Variants in ZNG1E observed in about 807,000 individuals in gnomAD.
ZNG1E encodes Zn regulated GTPase metalloprotein activator 1E, also known as zinc-regulated GTPase metalloprotein activator 1E.
chr9:65,654,881 A>T, the ZNG1E span, among the ~76,000 whole-genome samples: 1 of 147,762 alleles, frequency 6.8e-6, no homozygotes, highest in African/African-American at 2.4e-5. Context: ...TGTAGATATG[A>T]CTCATAAATA....
chr9:65,727,320 AT>A, the ZNG1E span, among the ~76,000 whole-genome samples: 4 of 149,190 alleles, frequency 2.7e-5, no homozygotes, highest in Admixed American at 6.7e-5. Context: ...CAAAAGTACA[AT>A]TAGAAAAACA....
the ZNG1E span, chr9:65,679,592 G>A: frequency 1.3e-5 from 5 of 378,684 alleles, no homozygotes; most frequent in Admixed American, 1.8e-4. Flanking sequence ...GTCTCTCTCT[G>A]TCGCCAGGCT....
the ZNG1E span, among the ~76,000 whole-genome samples, chr9:65,676,394 G>GC: frequency 8.0e-3 from 1,083 of 135,044 alleles, 1 homozygote; most frequent in African/African-American, 0.03. Flanking sequence ...GCTAAGACAC[G>GC]CCCCCCTAAT....
chr9:65,675,648 C>T, the ZNG1E span, among the ~76,000 whole-genome samples: 5 of 149,022 alleles, frequency 3.4e-5, no homozygotes, highest in Admixed American at 2.0e-4. Context: ...CAGCCAGTAG[C>T]TTATTAAGGC....
At chr9:65,673,973 G>A in the ZNG1E span, among the ~76,000 whole-genome samples, 1 of 152,290 alleles carries the variant, frequency 6.6e-6, no homozygotes. Flanking sequence ...TGTGATGACT[G>A]TGGGTGCAAT....
chr9:65,721,575 C>A, the ZNG1E span, among the ~76,000 whole-genome samples: 1 of 150,068 alleles, frequency 6.7e-6, no homozygotes, highest in African/African-American at 2.5e-5. Flanking sequence ...CACCTATCCT[C>A]CCAACATTTC....
chr9:65,704,049 G>A, the ZNG1E span: 2 of 221,952 alleles, frequency 9.0e-6, no homozygotes, highest in Non-Finnish European at 1.0e-5. Context: ...TCCTGTTAGT[G>A]TTCTACAATT....
chr9:65,657,464 A>C, the ZNG1E span, among the ~76,000 whole-genome samples: 8 of 152,274 alleles, frequency 5.3e-5, no homozygotes, highest in African/African-American at 1.9e-4. Flanking sequence ...GAAATAAGCC[A>C]GGCCCAAAAA....
chr9:65,661,205 A>G, the ZNG1E span, among the ~76,000 whole-genome samples: 19,844 of 72,086 alleles, frequency 0.28, 2,117 homozygotes, highest in African/African-American at 0.42. Context: ...ATATTTCACT[A>G]GGTTAATAAA....
chr9:65,669,479 T>A, the ZNG1E span, among the ~76,000 whole-genome samples: 1 of 150,668 alleles, frequency 6.6e-6, no homozygotes, highest in Non-Finnish European at 1.5e-5. Flanking sequence ...TATTACACCA[T>A]ACATCATTGC....
the ZNG1E span, among the ~76,000 whole-genome samples, chr9:65,664,597 G>A: frequency 1.4e-5 from 2 of 139,056 alleles, no homozygotes; most frequent in Non-Finnish European, 3.1e-5. Flanking sequence ...GCATAAAAAT[G>A]AAACAATACA....
chr9:65,664,894 TA>T, the ZNG1E span, among the ~76,000 whole-genome samples: 1 of 152,208 alleles, frequency 6.6e-6, no homozygotes, highest in Non-Finnish European at 1.5e-5. Context: ...GTAAAGATAC[TA>T]GGGGCATTTT....
At chr9:65,710,995 T>A in the ZNG1E span, among the ~76,000 whole-genome samples, 1 of 145,648 alleles carries the variant, frequency 6.9e-6, no homozygotes, top group African/African-American at 2.6e-5. Context: ...GAGCATGGAA[T>A]GTTCTTCCAT....
chr9:65,697,353 GT>G, the ZNG1E span, among the ~76,000 whole-genome samples: 1 of 77,782 alleles, frequency 1.3e-5, no homozygotes, highest in African/African-American at 4.3e-5. Flanking sequence ...TTAAAATTAT[GT>G]TCATTTTACT....
the ZNG1E span, among the ~76,000 whole-genome samples, chr9:65,656,758 C>T: frequency 1.3e-5 from 2 of 152,394 alleles, no homozygotes; most frequent in East Asian, 3.9e-4. Flanking sequence ...CTAACAGAAC[C>T]CCATGTCTTT....
the ZNG1E span, among the ~76,000 whole-genome samples, chr9:65,709,566 T>C: frequency 7.6e-6 from 1 of 131,074 alleles, no homozygotes; most frequent in East Asian, 2.3e-4. Context: ...TGTGTTCTCA[T>C]TGTTCAATTC....
At chr9:65,667,151 G>A in the ZNG1E span, among the ~76,000 whole-genome samples, 2 of 152,256 alleles carry the variant, frequency 1.3e-5, no homozygotes, top group East Asian at 1.9e-4. Flanking sequence ...GATATGAATA[G>A]CTAAGCTATA....
At chr9:65,660,577 C>T in the ZNG1E span, among the ~76,000 whole-genome samples, 1 of 152,092 alleles carries the variant, frequency 6.6e-6, no homozygotes, top group Non-Finnish European at 1.5e-5. Context: ...GTAACTTTAA[C>T]ATTAGTGAGC....
chr9:65,671,759 T>C, the ZNG1E span, among the ~76,000 whole-genome samples: 11 of 149,546 alleles, frequency 7.4e-5, no homozygotes, highest in East Asian at 3.9e-4. Flanking sequence ...TTTTGGGACC[T>C]GTTTTTTAAA....
Sources: gnomAD v4.1 joint callset for allele counts (sites outside exome capture counted in the v4.1 genomes callset) on GRCh38, gnomAD v4.1.1 for gene constraint, MANE v1.5 for transcripts, NCBI Gene and HGNC (gene_info 2026-07-23, HGNC 2026-07-21) for gene names.